Variants in DAB1 observed in about 807,000 individuals in gnomAD.
The protein encoded by DAB1 is disabled homolog 1.
DAB1 carries 15 observed loss-of-function variants against 64.6 expected under a neutral mutation model. That is an observed-to-expected ratio of 0.23 (90% CI 0.16 to 0.36). The LOEUF (loss-of-function observed/expected upper bound fraction) is 0.36, where lower values mean the gene tolerates loss of function less well. Ranked by LOEUF, DAB1 falls within the 10% of genes least tolerant of loss-of-function variation. The pLI is 1.00. For missense variants in DAB1, 596 were observed against 706.7 expected, an observed-to-expected ratio of 0.84 and a Z score of 1.78; for synonymous variants, 235 against 251.9, an observed-to-expected ratio of 0.93 and a Z score of 0.64.
At chr1:57,666,823 G>A (rs1646453043) in intron 6 of DAB1, among the ~76,000 whole-genome samples, 1 of 149,672 alleles carries the variant, frequency 6.7e-6, no homozygotes, top group Non-Finnish European at 1.5e-5. Context: ...TCTCAACAAT[G>A]CAGCTAGGGT....
intron 1 of DAB1, among the ~76,000 whole-genome samples, chr1:57,296,547 A>T (rs1437221394): frequency 2.0e-5 from 3 of 152,076 alleles, no homozygotes. Flanking sequence ...TAAGTGCTCA[A>T]AACAAACAAA....
At chr1:57,331,249 T>C (rs1676644482) in intron 1 of DAB1, among the ~76,000 whole-genome samples, 2 of 152,226 alleles carry the variant, frequency 1.3e-5, no homozygotes, top group Non-Finnish European at 1.5e-5. Flanking sequence ...GCAATTGGTG[T>C]GCACTTACCA....
At chr1:57,650,777 G>A (rs1312944942) in intron 6 of DAB1, among the ~76,000 whole-genome samples, 1 of 152,092 alleles carries the variant, frequency 6.6e-6, no homozygotes, top group Admixed American at 6.6e-5. Context: ...ATTAGTTGGG[G>A]ACTCCCTATT....
intron 5 of DAB1, among the ~76,000 whole-genome samples, chr1:57,981,385 TCTAGA>T (rs1263568188): frequency 6.6e-6 from 1 of 152,116 alleles, no homozygotes; most frequent in Non-Finnish European, 1.5e-5. Flanking sequence ...ATAGCCACTG[TCTAGA>T]CTACTGTGCA....
At chr1:57,089,262 C>A (rs542586784) in intron 4 of DAB1, among the ~76,000 whole-genome samples, 2 of 152,246 alleles carry the variant, frequency 1.3e-5, no homozygotes, top group South Asian at 4.1e-4. Flanking sequence ...CAATATACCC[C>A]CTTACCTAGA....
intron 6 of DAB1, among the ~76,000 whole-genome samples, chr1:57,728,048 T>C (rs1306221982): frequency 1.3e-5 from 2 of 152,136 alleles, no homozygotes; most frequent in Non-Finnish European, 2.9e-5. Context: ...AAACTGTTTG[T>C]CCAGGGACTT....
intron 2 of DAB1, among the ~76,000 whole-genome samples, chr1:57,191,765 T>C (rs1043084391): frequency 2.0e-5 from 3 of 152,108 alleles, no homozygotes; most frequent in Non-Finnish European, 4.4e-5. Flanking sequence ...CTGACTGGTA[T>C]GGAGTAGGGA....
chr1:57,133,124 T>C (rs1657778431), intron 4 of DAB1, among the ~76,000 whole-genome samples: 1 of 152,192 alleles, frequency 6.6e-6, no homozygotes. Flanking sequence ...CTAATAGCTC[T>C]AAGTAAGTGT....
intron 1 of DAB1, among the ~76,000 whole-genome samples, chr1:57,843,372 A>T (rs1653139525): frequency 6.6e-6 from 1 of 152,164 alleles, no homozygotes; most frequent in Admixed American, 6.5e-5. Context: ...TTTGGTTATT[A>T]TCTAGTTGGG....
At chr1:58,038,143 G>A (rs1647075626) in intron 5 of DAB1, among the ~76,000 whole-genome samples, 1 of 152,148 alleles carries the variant, frequency 6.6e-6, no homozygotes, top group African/African-American at 2.4e-5. Flanking sequence ...ATGAATTAGA[G>A]GGGGCAAAAA....
intron 5 of DAB1, among the ~76,000 whole-genome samples, chr1:58,080,469 G>A (rs1258724211): frequency 6.6e-6 from 1 of 152,148 alleles, no homozygotes; most frequent in Non-Finnish European, 1.5e-5. Flanking sequence ...TAAAGATTCC[G>A]CTGGATACAG....
chr1:57,893,979 C>T (rs901920973), intron 5 of DAB1, among the ~76,000 whole-genome samples: 5 of 152,052 alleles, frequency 3.3e-5, no homozygotes, highest in Admixed American at 1.3e-4. Flanking sequence ...GGGAAGAACG[C>T]CTCAACTGAG....
chr1:57,171,020 G>T (rs75005275), intron 2 of DAB1, among the ~76,000 whole-genome samples: 4,009 of 152,250 alleles, frequency 0.026, 85 homozygotes, highest in Middle Eastern at 0.071. Context: ...GATACGGCTT[G>T]GTAGAAAAGA....
At position 57,071,066 on chromosome 1, in the gene DAB1, T is replaced by C; in HGVS notation, c.559-5A>G. The stretch of plus-strand genomic sequence containing the variant: ...AACATCCTCTTCCAATATTGTCTAT[T>C]GCAGAGTAAGGAGAGGGAGGGTGAA... On this transcript the variant is annotated splice_region_variant and splice_polypyrimidine_tract_variant and intron_variant, in intron 6 of 14. Transcript: ENST00000371236. 1.2e-6 allele frequency: 2 copies of C among 1,612,166 alleles called. No individual in the cohort carries two copies. The highest frequency in any genetic ancestry group is 2.2e-5 in the South Asian group (2 of 91,012).
At chr1:58,377,566 C>G (rs1005789180) in intron 3 of DAB1, among the ~76,000 whole-genome samples, 1 of 137,926 alleles carries the variant, frequency 7.3e-6, no homozygotes, top group Non-Finnish European at 1.6e-5. Context: ...GTCTGATGGG[C>G]TTCCCTTTGA....
rs668066 is a variant in DAB1 at position 58,277,739 on chromosome 1, A to G, written n.309+65613T>C. 7.6e-3 allele frequency among the ~76,000 whole-genome samples: 1,162 copies of G among 152,348 alleles called. 17 individuals carry two copies. Among genetic ancestry groups the G allele is most frequent in the African/African-American group, 0.026 (1,096 of 41,582 alleles). On this transcript the variant is annotated intron_variant and non_coding_transcript_variant, in intron 4 of 20. Transcript: ENST00000485760. ...AAATTAACAAAGGATGCTCTTCTGC[A>G]GCCTCATCAGTGCTATGTGAGTTTT... is the stretch of plus-strand genomic sequence containing the variant.
chr1:58,391,010 T>C (rs1307650190), intron 3 of DAB1, among the ~76,000 whole-genome samples: 4 of 152,148 alleles, frequency 2.6e-5, no homozygotes, highest in East Asian at 3.9e-4. Context: ...TCCTGGGAGG[T>C]AGGCAATCGC....
chr1:57,021,890 C>T (rs1646635164), intron 11 of DAB1, among the ~76,000 whole-genome samples: 1 of 152,142 alleles, frequency 6.6e-6, no homozygotes, highest in African/African-American at 2.4e-5. Context: ...AGTCCTGTCA[C>T]ATGTCACCTA....
intron 3 of DAB1, among the ~76,000 whole-genome samples, chr1:58,357,403 C>T (rs997257239): frequency 6.6e-6 from 1 of 152,014 alleles, no homozygotes; most frequent in Admixed American, 6.6e-5. Flanking sequence ...GCCGTTTCTG[C>T]ACAACAGGAA....
Sources: allele counts gnomAD v4.1 joint callset (sites outside exome capture counted in the v4.1 genomes callset), GRCh38; gene constraint gnomAD v4.1.1; transcripts MANE v1.5; gene names NCBI Gene and HGNC (gene_info 2026-07-23, HGNC 2026-07-21).